Variants in RBFOX1 observed in about 807,000 individuals in gnomAD.
RBFOX1 encodes RNA binding fox-1 homolog 1.
Under a neutral mutation model 57.7 loss-of-function variants are expected in RBFOX1, and 8 were observed. That is an observed-to-expected ratio of 0.14 (90% CI 0.08 to 0.25). The LOEUF (loss-of-function observed/expected upper bound fraction) is 0.25. Among genes scored for constraint, RBFOX1 ranks in the 10% least tolerant of loss-of-function variants. The probability of loss-of-function intolerance (pLI) is 1.00; values close to 1 mark genes in which losing one functional copy is unlikely to be tolerated. For missense variants in RBFOX1, 611 were observed against 548.5 expected (o/e 1.11, Z -1.14); for synonymous variants, 326 against 222.4 (o/e 1.47, Z -4.15).
At position 7,072,835 on chromosome 16, in the gene RBFOX1, A is replaced by T. The variant is rs1048210855; in HGVS notation, c.27+20737A>T. On this transcript the variant is annotated intron_variant, in intron 4 of 15. Coordinates refer to ENST00000550418, the MANE Select transcript of RBFOX1 (RefSeq NM_018723.4). ...TTGGCCCAGTTTTATTCCTGGGAGG[A>T]ACGTCTTGAACATAAGTGCTCTGAG... Among the ~76,000 whole-genome samples the T allele has an allele frequency of 1.1e-4, 17 of 152,310 alleles. No individual in the cohort carries two copies. In the East Asian group the frequency reaches 2.9e-3, roughly 26 times the overall value.
At chr16:5,698,006 C>G (rs1179806818) in intron 3 of RBFOX1, among the ~76,000 whole-genome samples, 2 of 152,038 alleles carry the variant, frequency 1.3e-5, no homozygotes, top group Non-Finnish European at 2.9e-5. Flanking sequence ...TATGCTCTCC[C>G]CCTTAATCTT....
At chr16:7,046,352 C>T (rs1472015612) in intron 3 of RBFOX1, among the ~76,000 whole-genome samples, 1 of 152,032 alleles carries the variant, frequency 6.6e-6, no homozygotes, top group Non-Finnish European at 1.5e-5. Flanking sequence ...GGGATTATCA[C>T]ACACATATTT....
At chr16:6,452,404 C>G (rs540541586) in intron 2 of RBFOX1, among the ~76,000 whole-genome samples, 4 of 149,946 alleles carry the variant, frequency 2.7e-5, no homozygotes, top group Non-Finnish European at 4.5e-5. Flanking sequence ...TTCCATAACT[C>G]TCTTCCTTCC....
chr16:6,660,165 A>T (rs745370288), intron 3 of RBFOX1, among the ~76,000 whole-genome samples: 2 of 151,654 alleles, frequency 1.3e-5, no homozygotes, highest in Non-Finnish European at 2.9e-5. Flanking sequence ...CAGAGGTTGC[A>T]GTGAGCTGAG....
At chr16:5,751,656 G>A (rs1032761702) in intron 3 of RBFOX1, among the ~76,000 whole-genome samples, 2 of 152,188 alleles carry the variant, frequency 1.3e-5, no homozygotes, top group Non-Finnish European at 2.9e-5. Context: ...AAGGTGAGGA[G>A]CATTTGGAAG....
chr16:6,249,897 G>A (rs1433543866), intron 1 of RBFOX1, among the ~76,000 whole-genome samples: 1 of 151,582 alleles, frequency 6.6e-6, no homozygotes, highest in East Asian at 1.9e-4. Flanking sequence ...TTAACATTAG[G>A]TATATCTCCA....
intron 2 of RBFOX1, among the ~76,000 whole-genome samples, chr16:5,541,791 T>G (rs564988599): frequency 6.6e-6 from 1 of 152,356 alleles, no homozygotes; most frequent in East Asian, 1.9e-4. Context: ...GTATTTTAGC[T>G]AAAACAAAAT....
chr16:6,583,461 C>T (rs1169948658), intron 2 of RBFOX1, among the ~76,000 whole-genome samples: 2 of 152,218 alleles, frequency 1.3e-5, no homozygotes, highest in African/African-American at 2.4e-5. Context: ...CACACTAGCC[C>T]TGTGGATGAA....
chr16:7,104,994 C>G (rs1025468370), intron 4 of RBFOX1, among the ~76,000 whole-genome samples: 1 of 152,096 alleles, frequency 6.6e-6, no homozygotes, highest in Admixed American at 6.6e-5. Flanking sequence ...TGTTTCTCAG[C>G]TCTGCTTTCT....
chr16:6,604,799 G>T (rs942229168), intron 2 of RBFOX1, among the ~76,000 whole-genome samples: 1 of 151,920 alleles, frequency 6.6e-6, no homozygotes, highest in Non-Finnish European at 1.5e-5. Context: ...CCAATTAATT[G>T]GTGCTTGAGA....
chr16:7,027,098 A>T (rs1204180553), intron 3 of RBFOX1, among the ~76,000 whole-genome samples: 1 of 152,090 alleles, frequency 6.6e-6, no homozygotes, highest in African/African-American at 2.4e-5. Flanking sequence ...CTCTTTCCTG[A>T]ACCCGTCTCT....
At chr16:7,053,576 T>C (rs1439864839) in intron 4 of RBFOX1, among the ~76,000 whole-genome samples, 2 of 152,180 alleles carry the variant, frequency 1.3e-5, no homozygotes, top group African/African-American at 2.4e-5. Context: ...AATATTGAAA[T>C]CTCTATTGCA....
At chr16:5,342,944 A>C (rs766915860) in intron 1 of RBFOX1, among the ~76,000 whole-genome samples, 1 of 152,164 alleles carries the variant, frequency 6.6e-6, no homozygotes. Flanking sequence ...AATTAGACCT[A>C]AGCCATCTGG....
intron 3 of RBFOX1, among the ~76,000 whole-genome samples, chr16:5,678,254 G>T (rs1201435724): frequency 2.0e-5 from 3 of 152,316 alleles, no homozygotes; most frequent in East Asian, 3.9e-4. Flanking sequence ...CAGCCAGTCA[G>T]TGTCCTCTGA....
chr16:6,610,418 T>C (rs2098028178), intron 2 of RBFOX1, among the ~76,000 whole-genome samples: 1 of 151,976 alleles, frequency 6.6e-6, no homozygotes, highest in African/African-American at 2.4e-5. Context: ...GCATCAACCT[T>C]GCCGGCTCAA....
At chr16:6,736,993 C>T (rs967819278) in intron 3 of RBFOX1, among the ~76,000 whole-genome samples, 5 of 152,242 alleles carry the variant, frequency 3.3e-5, no homozygotes, top group Non-Finnish European at 7.4e-5. Context: ...GCCACTTATC[C>T]CTGACACGGG....
chr16:5,425,083 A>G (rs1239251252), intron 1 of RBFOX1, among the ~76,000 whole-genome samples: 3 of 133,148 alleles, frequency 2.3e-5, no homozygotes, highest in African/African-American at 2.9e-5. Flanking sequence ...CTATCTATCT[A>G]TCTATCTATC....
At chr16:5,748,037 C>G (rs537110498) in intron 3 of RBFOX1, among the ~76,000 whole-genome samples, 1 of 152,330 alleles carries the variant, frequency 6.6e-6, no homozygotes, top group African/African-American at 2.4e-5. Flanking sequence ...CCTCTACACA[C>G]TGCTTTAAAT....
In RBFOX1 at chr16:6,669,916, GAGAATCC is replaced by G. The variant is rs374638794; in HGVS notation, c.-16+15269_-16+15275del. On this transcript the variant is annotated intron_variant, in intron 3 of 15. Coordinates refer to ENST00000550418, the MANE Select transcript of RBFOX1 (RefSeq NM_018723.4). ...CTAAGTAACCGACCCATGGTATATG[GAGAATCC>G]AGTCAAAGGAGTAACTTACAAACTT... Among the ~76,000 whole-genome samples the G allele has an allele frequency of 2.7e-3, 413 of 152,284 alleles. 3 individuals carry two copies. Among genetic ancestry groups the G allele is most frequent in the African/African-American group, 9.6e-3 (398 of 41,554 alleles).
Sources: allele counts gnomAD v4.1 joint callset (sites outside exome capture counted in the v4.1 genomes callset), GRCh38; gene constraint gnomAD v4.1.1; transcripts MANE v1.5; gene names NCBI Gene and HGNC (gene_info 2026-07-23, HGNC 2026-07-21).